The following PTDSS1 variants were observed in gnomAD, a reference collection of about 807,000 sequenced individuals.
PTDSS1 encodes the protein PSS-1.
Under a neutral mutation model 70.5 loss-of-function variants are expected in PTDSS1, and 45 were observed. That is an observed-to-expected ratio of 0.64 (90% CI 0.50 to 0.82). The LOEUF is 0.82. Among genes scored for constraint, PTDSS1 ranks in the 40% least tolerant of loss-of-function variants. The pLI is 0.00. For missense variants in PTDSS1, 417 were observed against 586.1 expected (o/e 0.71, Z 2.98); for synonymous variants, 188 against 203.8 (o/e 0.92, Z 0.66).
intron 5 of PTDSS1, among the ~76,000 whole-genome samples, chr8:96,295,971 G>A (rs184559239): frequency 2.6e-5 from 4 of 151,846 alleles, no homozygotes; most frequent in African/African-American, 7.2e-5. Context: ...TCAAAGCGTC[G>A]GCAGGACTGG....
chr8:96,333,323 T>C (rs1811544781), intron 12 of PTDSS1, 134 bp from the exon 13 acceptor site: 5 of 753,898 alleles, frequency 6.6e-6, no homozygotes, highest in Non-Finnish European at 1.1e-5. Context: ...CCTTCATTTA[T>C]GAATGAGGCC....
chr8:96,268,606 A>G (rs1810519426), intron 1 of PTDSS1, among the ~76,000 whole-genome samples: 2 of 151,866 alleles, frequency 1.3e-5, no homozygotes, highest in African/African-American at 4.8e-5. Context: ...AATCGGAGTC[A>G]GAGTCCAGAA....
intron 1 of PTDSS1, among the ~76,000 whole-genome samples, chr8:96,266,289 C>G (rs529381173): frequency 1.3e-5 from 2 of 152,356 alleles, no homozygotes; most frequent in South Asian, 4.1e-4. Context: ...GATTTGTGTA[C>G]TTAAGTGATC....
chr8:96,267,808 C>T (rs139738972), intron 1 of PTDSS1, among the ~76,000 whole-genome samples: 39 of 152,246 alleles, frequency 2.6e-4, no homozygotes, highest in Admixed American at 8.5e-4. Context: ...ACCCAACACC[C>T]AGCAGGCCCC....
intron 10 of PTDSS1, among the ~76,000 whole-genome samples, chr8:96,328,065 C>G (rs1420143528): frequency 6.6e-6 from 1 of 152,184 alleles, no homozygotes; most frequent in Non-Finnish European, 1.5e-5. Flanking sequence ...AAGCACCTGT[C>G]GTTCTCCACT....
At chr8:96,285,010 G>T (rs1323104274) in intron 3 of PTDSS1, among the ~76,000 whole-genome samples, 3 of 152,220 alleles carry the variant, frequency 2.0e-5, no homozygotes, top group Non-Finnish European at 1.5e-5. Context: ...CTGCCCTCAA[G>T]GAGCTGCCCT....
chr8:96,315,940 T>C (rs1195082839), intron 9 of PTDSS1, among the ~76,000 whole-genome samples: 1 of 152,188 alleles, frequency 6.6e-6, no homozygotes, highest in Non-Finnish European at 1.5e-5. Flanking sequence ...AGGAGGTATG[T>C]GTTCTCACAC....
intron 2 of PTDSS1, among the ~76,000 whole-genome samples, chr8:96,275,798 C>A (rs906479270): frequency 6.6e-6 from 1 of 152,214 alleles, no homozygotes; most frequent in African/African-American, 2.4e-5. Flanking sequence ...ATTCCCCATT[C>A]CCCTCAGCCA....
At chr8:96,300,003 T>C (rs537784423) in intron 6 of PTDSS1, among the ~76,000 whole-genome samples, 158 bp downstream of exon 6, 25 of 152,312 alleles carry the variant, frequency 1.6e-4, no homozygotes, top group Admixed American at 5.2e-4. Flanking sequence ...ATTTCAAGCA[T>C]TTGTCCAGAA....
Position 96,262,827 on chromosome 8 carries a change from C to G in PTDSS1, c.179+608C>G, listed in dbSNP as rs1810429755. Among the ~76,000 whole-genome samples, 1 of 152,228 alleles carries G rather than the reference C, an allele frequency of 6.6e-6. No individual in the cohort carries two copies. Among genetic ancestry groups the G allele is most frequent in the South Asian group, 2.1e-4 (1 of 4,832 alleles). On this transcript the variant is annotated intron_variant, in intron 1 of 12. Transcript: ENST00000517309. This position sits in a 1 kb window ranked among gnomAD's most constrained non-coding sequence, Gnocchi z 4.4. ...TGCACACAAGTCATCCAGCATAACA[C>G]TTCCCCCAGCCTCAAACACTACCAT...
chr8:96,290,533 T>C (rs1382263618), intron 4 of PTDSS1, among the ~76,000 whole-genome samples: 4 of 152,224 alleles, frequency 2.6e-5, no homozygotes, highest in African/African-American at 4.8e-5. Context: ...TAAATCTTTC[T>C]TGCCAAAGTA....
At chr8:96,314,448 C>T (rs1290960865) in intron 9 of PTDSS1, among the ~76,000 whole-genome samples, 3 of 150,300 alleles carry the variant, frequency 2.0e-5, no homozygotes. Flanking sequence ...GGGGTCCCTT[C>T]CCAGCACAGG....
intron 2 of PTDSS1, among the ~76,000 whole-genome samples, chr8:96,283,277 G>A (rs1232914604): frequency 6.6e-6 from 1 of 152,306 alleles, no homozygotes; most frequent in African/African-American, 2.4e-5. Context: ...TGGAAATTCC[G>A]CAAGTGTAGG....
intron 9 of PTDSS1, among the ~76,000 whole-genome samples, chr8:96,312,128 A>G (rs1242801544): frequency 6.6e-6 from 1 of 152,232 alleles, no homozygotes; most frequent in Non-Finnish European, 1.5e-5. Flanking sequence ...TTGGACAGCC[A>G]TGAAACACCA....
chr8:96,333,821 G>A lies in PTDSS1; in HGVS notation c.*255G>A. ...AGCACTTGACATGCGGTCACCGGTG[G>A]CAGCGCGGTGTGTTGAAGGGAAACG... On this transcript the variant is annotated 3_prime_UTR_variant, in exon 13 of 13. Coordinates refer to ENST00000517309, the MANE Select transcript of PTDSS1 (RefSeq NM_014754.3). The A allele has an allele frequency of 1.5e-6, 1 of 686,872 alleles. No individual in the cohort carries two copies. The highest frequency in any genetic ancestry group is 2.6e-6 in the Non-Finnish European group (1 of 378,462). 42.5% of individuals were successfully genotyped at this position (686,872 alleles called of 1,614,324 possible). A position where few individuals can be genotyped will look rare whatever the true frequency, so the allele number is the denominator to read the frequency against.
intron 9 of PTDSS1, among the ~76,000 whole-genome samples, chr8:96,314,530 C>T (rs1388752235): frequency 6.6e-6 from 1 of 152,104 alleles, no homozygotes; most frequent in Non-Finnish European, 1.5e-5. Flanking sequence ...GTCTGTTCAT[C>T]CTCCCTTTAT....
chr8:96,329,930 A>G (rs918626400), intron 10 of PTDSS1, among the ~76,000 whole-genome samples: 4 of 152,252 alleles, frequency 2.6e-5, no homozygotes, highest in Admixed American at 1.3e-4. Flanking sequence ...AAAGCTATCA[A>G]GAAAATGCAT....
intron 8 of PTDSS1, among the ~76,000 whole-genome samples, chr8:96,308,500 G>C (rs571065236): frequency 6.6e-6 from 1 of 152,112 alleles, no homozygotes; most frequent in Non-Finnish European, 1.5e-5. Context: ...ATGAGTTCCT[G>C]GTTCAGGTGC....
intron 5 of PTDSS1, among the ~76,000 whole-genome samples, chr8:96,297,049 C>A (rs1810985923): frequency 6.6e-6 from 1 of 152,218 alleles, no homozygotes; most frequent in African/African-American, 2.4e-5. Context: ...ACCTCTGCTC[C>A]CACCTGTCTC....
Sources: allele counts gnomAD v4.1 joint callset (sites outside exome capture counted in the v4.1 genomes callset), GRCh38; gene constraint gnomAD v4.1.1; non-coding constraint Gnocchi (gnomAD v3.1); transcripts MANE v1.5; gene names NCBI Gene and HGNC (gene_info 2026-07-23, HGNC 2026-07-21).